RAB11FIP3: variants seen among roughly 807,000 people sequenced by gnomAD.
RAB11FIP3 encodes the protein RAB11 family interacting protein 3, also known as rab11 family-interacting protein 3.
Under a neutral mutation model 77.8 loss-of-function variants are expected in RAB11FIP3, and 17 were observed. That is an observed-to-expected ratio of 0.22 (90% CI 0.15 to 0.33). The LOEUF (loss-of-function observed/expected upper bound fraction) is 0.33. RAB11FIP3 is among the 10% of genes least tolerant of loss of function. The pLI is 1.00. For missense variants in RAB11FIP3, 1,005 were observed against 1,011.2 expected (o/e 0.99, Z 0.08); for synonymous variants, 437 against 448.2 (o/e 0.98, Z 0.31).
rs990818212 is a variant in RAB11FIP3, at chr16:426,169, C to G, written c.163C>G (p.Leu55Val). The G allele has an allele frequency of 8.9e-6, 9 of 1,015,876 alleles. No homozygotes were observed. The African/African-American group carries it at 1.4e-4, about 16-fold the overall frequency. The allele number at this position is 1,015,876 out of a possible 1,614,324, so 62.9% of individuals were successfully genotyped here. A position where few individuals can be genotyped will look rare whatever the true frequency, so the allele number is the denominator to read the frequency against. The change falls in exon 1 of 14, where the codon CTG (leucine) becomes GTG (valine). Residue 55 changes from leucine to valine, a missense_variant. Physicochemically the swap from Leu to Val is conservative, Grantham distance 32. Around this residue, in one of 4 missense-constraint regions of RAB11FIP3, gnomAD observed 466 missense variants for 408.3 expected, o/e 1.14. Coordinates refer to ENST00000262305, the MANE Select transcript of RAB11FIP3 (RefSeq NM_014700.4). This position sits in a 1 kb window ranked among gnomAD's most constrained non-coding sequence, Gnocchi z 5.0. ...CGGCCCCGACCCGCAGTCCCCGGGC[C>G]TGGATGAGCCTGCGCCCGGGGCCGC... ...VGGPDPQSPGLDEPAPGAAAD... is the reference protein window; with the variant it reads ...VGGPDPQSPGVDEPAPGAAAD...
Position 521,717 on chromosome 16 carries a change from G to A in RAB11FIP3, c.*878G>A, listed in dbSNP as rs1455360138. ...GCTCCCAGGTGCTGCTTCTCCACAG[G>A]TGCGGCCTGGCCCGGCCTCCTAAAG... On this transcript the variant is annotated 3_prime_UTR_variant, in exon 14 of 14. Coordinates refer to ENST00000262305, the MANE Select transcript of RAB11FIP3 (RefSeq NM_014700.4). 1 of 152,394 alleles carries A rather than the reference G, an allele frequency of 6.6e-6. No homozygotes were observed. Among genetic ancestry groups the A allele is most frequent in the African/African-American group, 2.4e-5 (1 of 41,462 alleles). 9.4% of individuals were successfully genotyped at this position (152,394 alleles called of 1,614,324 possible). A position where few individuals can be genotyped will look rare whatever the true frequency, so the allele number is the denominator to read the frequency against.
chr16:513,215 T>A (rs1190042573), intron 9 of RAB11FIP3, among the ~76,000 whole-genome samples: 1 of 151,710 alleles, frequency 6.6e-6, no homozygotes, highest in Non-Finnish European at 1.5e-5. Flanking sequence ...TATACAGTTG[T>A]TTGTTTGTTT....
At position 426,281 on chromosome 16, in the gene RAB11FIP3, C is replaced by T; in HGVS notation, c.275C>T (p.Pro92Leu). ...PRDPGPSAPP[P>L]RSGPRGQLAS... ...GACCCCGGGCCGTCCGCCCCGCCGC[C>T]GCGCTCCGGCCCGCGGGGGCAGCTT... The change falls in exon 1 of 14, where the codon CCG becomes CTG. Residue 92 changes from proline to leucine, a missense_variant. Pro to Leu is a moderately conservative substitution (Grantham distance 98). Around this residue, in one of 4 missense-constraint regions of RAB11FIP3, gnomAD observed 466 missense variants for 408.3 expected, o/e 1.14. Coordinates refer to ENST00000262305, the MANE Select transcript of RAB11FIP3 (RefSeq NM_014700.4). The surrounding 1 kb of genome is among the most constrained non-coding windows in gnomAD (Gnocchi z 5.0). 1 of 1,225,960 alleles carries T rather than the reference C, an allele frequency of 8.2e-7. No individual in the cohort carries two copies. Among genetic ancestry groups the T allele is most frequent in the East Asian group, 3.3e-5 (1 of 30,530 alleles). 75.9% of individuals were successfully genotyped at this position (1,225,960 alleles called of 1,614,324 possible). A position where few individuals can be genotyped will look rare whatever the true frequency, so the allele number is the denominator to read the frequency against.
At chr16:438,173 T>G (rs1335256459) in intron 1 of RAB11FIP3, among the ~76,000 whole-genome samples, 1 of 151,734 alleles carries the variant, frequency 6.6e-6, no homozygotes, top group African/African-American at 2.4e-5. Context: ...AGTGGTGTGA[T>G]ATCCACTTAC....
intron 1 of RAB11FIP3, among the ~76,000 whole-genome samples, chr16:437,777 T>G (rs911343548): frequency 2.6e-5 from 4 of 152,254 alleles, no homozygotes; most frequent in Admixed American, 2.0e-4. Flanking sequence ...TGAAAAGAAT[T>G]GTACTAATTG....
At chr16:449,079 A>C (rs1477717366) in intron 1 of RAB11FIP3, among the ~76,000 whole-genome samples, 1 of 152,148 alleles carries the variant, frequency 6.6e-6, no homozygotes, top group Non-Finnish European at 1.5e-5. Context: ...CACTCTACAC[A>C]GTAGAGTCCT....
intron 1 of RAB11FIP3, among the ~76,000 whole-genome samples, chr16:458,285 T>C (rs116714407): frequency 1.1e-4 from 16 of 152,326 alleles, no homozygotes; most frequent in Admixed American, 6.5e-5. Context: ...CCCCATCCTT[T>C]TCCTGAAACA....
At chr16:441,806 A>G (rs1450018371) in intron 1 of RAB11FIP3, among the ~76,000 whole-genome samples, 1 of 152,158 alleles carries the variant, frequency 6.6e-6, no homozygotes, top group Admixed American at 6.5e-5. Flanking sequence ...GGAATTCCAC[A>G]ACTCTTGAAC....
At chr16:515,168 C>T (rs879802361) in intron 9 of RAB11FIP3, among the ~76,000 whole-genome samples, 1 of 152,134 alleles carries the variant, frequency 6.6e-6, no homozygotes, top group African/African-American at 2.4e-5. Flanking sequence ...TGAAGCTGTG[C>T]GGCTCTTTAT....
Position 426,122 on chromosome 16 carries a change from T to G in RAB11FIP3, c.116T>G (p.Leu39Arg), listed in dbSNP as rs1326454565. 2 of 1,007,908 alleles carry G rather than the reference T, an allele frequency of 2.0e-6. No individual in the cohort carries two copies. Among genetic ancestry groups the G allele is most frequent in the Non-Finnish European group, 2.4e-6 (2 of 846,556 alleles). The allele number at this position is 1,007,908 out of a possible 1,614,324, so 62.4% of individuals were successfully genotyped here. A position where few individuals can be genotyped will look rare whatever the true frequency, so the allele number is the denominator to read the frequency against. The change falls in exon 1 of 14, where the codon CTA (leucine) becomes CGA (arginine). Residue 39 changes from leucine to arginine, a missense_variant. Transcript: ENST00000262305. This position sits in a 1 kb window ranked among gnomAD's most constrained non-coding sequence, Gnocchi z 5.0. ...AAQLAPGPAE[L>R]RLGAPVGGPD... ...CAACTGGCTCCGGGCCCTGCGGAGC[T>G]ACGCCTCGGAGCGCCCGTCGGCGGC...
At chr16:459,637 A>T (rs1039953294) in intron 1 of RAB11FIP3, among the ~76,000 whole-genome samples, 6 of 151,356 alleles carry the variant, frequency 4.0e-5, no homozygotes, top group African/African-American at 1.5e-4. Flanking sequence ...GGGTTTTGCC[A>T]TGTTGGCCAG....
intron 3 of RAB11FIP3, among the ~76,000 whole-genome samples, chr16:474,119 TAA>T (rs905651007): frequency 2.7e-5 from 4 of 146,522 alleles, no homozygotes; most frequent in African/African-American, 1.0e-4. Context: ...CATGTCATCT[TAA>T]AAAAAAAAAG....
Position 426,644 on chromosome 16 carries a change from C to A in RAB11FIP3, c.638C>A (p.Ala213Asp). 6.3e-7 allele frequency: 1 copy of A among 1,583,376 alleles called. No individual in the cohort carries two copies. ...DGPRLRAVFDALDGDGDGFVR... is the reference protein window; with the variant it reads ...DGPRLRAVFDDLDGDGDGFVR... ...CCCCGCCTCCGAGCCGTGTTCGATGCCCTGGACGGGGATGGGGACGGTTTC... is the reference window on the plus strand; with the variant it reads ...CCCCGCCTCCGAGCCGTGTTCGATGACCTGGACGGGGATGGGGACGGTTTC... Residue 213 changes from alanine to aspartate, a missense_variant, in exon 1 of 14, where the codon GCC becomes GAC. By Grantham distance (126) the Ala-to-Asp change is moderately radical (BLOSUM62 -2). Around this residue, in one of 4 missense-constraint regions of RAB11FIP3, gnomAD observed 466 missense variants for 408.3 expected, o/e 1.14. Coordinates refer to ENST00000262305, the MANE Select transcript of RAB11FIP3 (RefSeq NM_014700.4). This position sits in a 1 kb window ranked among gnomAD's most constrained non-coding sequence, Gnocchi z 5.0.
At position 471,599 on chromosome 16, in the gene RAB11FIP3, A is replaced by G. The variant is rs2055810057; in HGVS notation, c.903+210A>G. Among the ~76,000 whole-genome samples, 1 of 151,816 alleles carries G rather than the reference A, an allele frequency of 6.6e-6. No individual in the cohort carries two copies. The highest frequency in any genetic ancestry group is 6.6e-5 in the Admixed American group (1 of 15,242). On this transcript the variant is annotated intron_variant, in intron 3 of 13. Coordinates refer to ENST00000262305, the MANE Select transcript of RAB11FIP3 (RefSeq NM_014700.4). This position sits in a 1 kb window ranked among gnomAD's most constrained non-coding sequence, Gnocchi z 4.4. ...CACACGCCCTGTCAGCCTGGGCAGG[A>G]ATCCTCCCCCAGGGCCTGTCGCCAG...
At chr16:470,580 GTCAC>G (rs2055790247) in intron 2 of RAB11FIP3, among the ~76,000 whole-genome samples, 1 of 152,254 alleles carries the variant, frequency 6.6e-6, no homozygotes, top group Non-Finnish European at 1.5e-5. Context: ...AGTGTCTTCT[GTCAC>G]TCACAGGCCC....
At chr16:445,786 G>C (rs1442058211) in intron 1 of RAB11FIP3, among the ~76,000 whole-genome samples, 1 of 152,196 alleles carries the variant, frequency 6.6e-6, no homozygotes, top group Non-Finnish European at 1.5e-5. Context: ...GGCGGGAGGT[G>C]CTTTGTGCCC....
chr16:434,346 G>A (rs951950130), intron 1 of RAB11FIP3, among the ~76,000 whole-genome samples: 9 of 152,118 alleles, frequency 5.9e-5, no homozygotes, highest in African/African-American at 1.9e-4. Flanking sequence ...CTGGTCTCGC[G>A]CTCCTGACCT....
intron 5 of RAB11FIP3, among the ~76,000 whole-genome samples, chr16:493,855 G>C (rs553113275): frequency 5.7e-4 from 84 of 147,040 alleles, no homozygotes; most frequent in African/African-American, 2.0e-3. Context: ...ACCCCCCAAA[G>C]TGCTGGGATT....
At chr16:509,138 A>G (rs1456708506) in intron 8 of RAB11FIP3, among the ~76,000 whole-genome samples, 1 of 152,214 alleles carries the variant, frequency 6.6e-6, no homozygotes, top group Non-Finnish European at 1.5e-5. Flanking sequence ...TCCTGATCTC[A>G]GGTGATCTGC....
Sources: gnomAD v4.1 joint callset for allele counts (sites outside exome capture counted in the v4.1 genomes callset) on GRCh38, gnomAD v4.1.1 for gene constraint, gnomAD v4.1.1 regional missense constraint, Gnocchi (gnomAD v3.1) non-coding constraint, MANE v1.5 for transcripts, NCBI Gene and HGNC (gene_info 2026-07-23, HGNC 2026-07-21) for gene names.